Variants in NTRK2 observed in about 807,000 individuals in gnomAD.
NTRK2 encodes the protein neurotrophic receptor tyrosine kinase 2, also known as BDNF/NT-3 growth factors receptor.
NTRK2 carries 13 observed loss-of-function variants against 94.5 expected under a neutral mutation model. The observed-to-expected ratio is 0.14, with a 90% CI of 0.09 to 0.22. NTRK2 has a LOEUF of 0.22. NTRK2 is among the 10% of genes least tolerant of loss of function. The pLI is 1.00. For synonymous variants in NTRK2, 372 were observed against 407.4 expected (o/e 0.91, Z 1.05); for missense variants, 639 against 1,071.2 (o/e 0.60, Z 5.63).
At chr9:84,751,939 G>T in intron 11 of NTRK2, 47 bp from the exon 12 acceptor site, 2 of 1,385,214 alleles carry the variant, frequency 1.4e-6, no homozygotes, top group African/African-American at 1.4e-5. Flanking sequence ...TATGATTATA[G>T]GGAACTAATT....
intron 16 of NTRK2, 146 bp downstream of exon 16, chr9:84,948,780 G>T (rs1028388030): frequency 1.6e-5 from 11 of 679,784 alleles, no homozygotes; most frequent in Middle Eastern, 4.0e-4. Context: ...CCAGAGAAAG[G>T]AGGAGAGAAA....
At chr9:84,748,130 A>G (rs1264236313) in intron 11 of NTRK2, among the ~76,000 whole-genome samples, 1 of 152,198 alleles carries the variant, frequency 6.6e-6, no homozygotes, top group Non-Finnish European at 1.5e-5. Flanking sequence ...ATCCTAAGAA[A>G]TATCCTCAGA....
intron 8 of NTRK2, among the ~76,000 whole-genome samples, chr9:84,726,824 C>T (rs2062496174): frequency 6.6e-6 from 1 of 152,194 alleles, no homozygotes; most frequent in South Asian, 2.1e-4. Context: ...AGCCAGACTA[C>T]ATTAAAATGA....
intron 17 of NTRK2, among the ~76,000 whole-genome samples, chr9:84,960,427 T>G (rs1824770022): frequency 6.6e-6 from 1 of 152,214 alleles, no homozygotes; most frequent in Non-Finnish European, 1.5e-5. Flanking sequence ...ATGTAAGAAA[T>G]AATCAAGAGT....
At chr9:84,943,446 A>G (rs1473087682) in intron 15 of NTRK2, among the ~76,000 whole-genome samples, 1 of 152,154 alleles carries the variant, frequency 6.6e-6, no homozygotes, top group East Asian at 1.9e-4. Context: ...TTCTGAATCA[A>G]TATGTACTCC....
intron 14 of NTRK2, among the ~76,000 whole-genome samples, chr9:84,917,640 G>T (rs536021789): frequency 6.6e-6 from 1 of 152,210 alleles, no homozygotes; most frequent in African/African-American, 2.4e-5. Flanking sequence ...CAGTTCTGTT[G>T]GATTTTTCCA....
intron 12 of NTRK2, among the ~76,000 whole-genome samples, chr9:84,837,394 C>T (rs1290658759): frequency 2.0e-5 from 3 of 152,166 alleles, no homozygotes; most frequent in Non-Finnish European, 4.4e-5. Context: ...GCCAGGTAAA[C>T]TTACACTAAT....
chr9:84,973,157 A>G (rs892395206), intron 17 of NTRK2, among the ~76,000 whole-genome samples: 13 of 152,236 alleles, frequency 8.5e-5, no homozygotes, highest in African/African-American at 3.1e-4. Flanking sequence ...AGAGAAGAGA[A>G]TGTTCAAATG....
chr9:84,878,977 C>T (rs1033657648), intron 14 of NTRK2, among the ~76,000 whole-genome samples: 7 of 152,216 alleles, frequency 4.6e-5, no homozygotes, highest in Non-Finnish European at 1.0e-4. Flanking sequence ...AGTCCCCTGT[C>T]TCCCTTTTGT....
chr9:84,764,105 C>G (rs2065833033), intron 12 of NTRK2, among the ~76,000 whole-genome samples: 1 of 152,216 alleles, frequency 6.6e-6, no homozygotes, highest in Admixed American at 6.5e-5. Flanking sequence ...TGCACTTCAT[C>G]TGTGTCACAT....
intron 12 of NTRK2, among the ~76,000 whole-genome samples, chr9:84,780,095 A>G (rs1164714978): frequency 6.6e-6 from 1 of 151,888 alleles, no homozygotes; most frequent in Non-Finnish European, 1.5e-5. Context: ...TCTTGCCATT[A>G]GGGAACATTT....
At chr9:84,995,241 C>T (rs996572752) in intron 17 of NTRK2, among the ~76,000 whole-genome samples, 5 of 152,136 alleles carry the variant, frequency 3.3e-5, no homozygotes, top group Non-Finnish European at 7.4e-5. Flanking sequence ...CAGAAGGTGT[C>T]ACACTGTAGA....
intron 9 of NTRK2, among the ~76,000 whole-genome samples, chr9:84,735,244 C>T (rs913908952): frequency 6.6e-6 from 1 of 152,152 alleles, no homozygotes; most frequent in Non-Finnish European, 1.5e-5. Context: ...TCACTGAGAC[C>T]TTTTGACTCT....
chr9:85,004,664 A>C (rs899047698), intron 17 of NTRK2, among the ~76,000 whole-genome samples: 9 of 152,144 alleles, frequency 5.9e-5, no homozygotes, highest in African/African-American at 2.2e-4. Context: ...AAGATGCACA[A>C]AAAAAAGAAT....
chr9:84,955,980 G>GCACT (rs373488040), intron 17 of NTRK2, among the ~76,000 whole-genome samples: 9 of 152,148 alleles, frequency 5.9e-5, no homozygotes, highest in African/African-American at 2.2e-4. Flanking sequence ...CCTGCTCTTG[G>GCACT]CACTCCAGCG....
At chr9:84,827,101 A>G (rs2073238184) in intron 12 of NTRK2, among the ~76,000 whole-genome samples, 1 of 152,226 alleles carries the variant, frequency 6.6e-6, no homozygotes, top group South Asian at 2.1e-4. Context: ...TCATTACATT[A>G]TCATTCACTT....
chr9:84,972,206 G>A (rs1826270527), intron 17 of NTRK2, among the ~76,000 whole-genome samples: 1 of 152,184 alleles, frequency 6.6e-6, no homozygotes, highest in Admixed American at 6.5e-5. Context: ...TGAGGATAGA[G>A]GTTCTAGAGG....
intron 14 of NTRK2, among the ~76,000 whole-genome samples, chr9:84,931,507 A>G (rs1222225547): frequency 2.6e-5 from 4 of 152,272 alleles, no homozygotes; most frequent in Admixed American, 2.0e-4. Flanking sequence ...GCCCCAAAAC[A>G]TAACAAAGCA....
chr9:85,008,562 A>G (rs899870119), intron 17 of NTRK2, among the ~76,000 whole-genome samples: 1 of 152,204 alleles, frequency 6.6e-6, no homozygotes, highest in Non-Finnish European at 1.5e-5. Flanking sequence ...CTTTATGTCA[A>G]CTATCTCACT....
Sources: gnomAD v4.1 joint callset for allele counts (sites outside exome capture counted in the v4.1 genomes callset) on GRCh38, gnomAD v4.1.1 for gene constraint, MANE v1.5 for transcripts, NCBI Gene and HGNC (gene_info 2026-07-23, HGNC 2026-07-21) for gene names.